DLGAP4: variants seen among roughly 807,000 people sequenced by gnomAD.
DLGAP4 encodes DLG associated protein 4, also known as disks large-associated protein 4.
A neutral mutation model predicts 86.9 loss-of-function variants in DLGAP4; 18 were observed. The ratio of observed to expected loss-of-function variants is 0.21; its 90% CI spans 0.14 to 0.31. The LOEUF is 0.31. DLGAP4 is among the 10% of genes least tolerant of loss of function. The pLI, the probability that DLGAP4 is intolerant of heterozygous loss-of-function variation, is 1.00. For missense variants in DLGAP4, 1,085 were observed against 1,362.6 expected, an observed-to-expected ratio of 0.80 and a Z score of 3.21; for synonymous variants, 548 against 574.3, an observed-to-expected ratio of 0.95 and a Z score of 0.65.
chr20:36,420,229 G>A (rs906466), intron 2 of DLGAP4, among the ~76,000 whole-genome samples: 33,659 of 152,166 alleles, frequency 0.22, 4,030 homozygotes, highest in East Asian at 0.41. Flanking sequence ...GCTGGATGCT[G>A]GAGACGCAGT....
chr20:36,514,047 A>C (rs2036889876), intron 10 of DLGAP4, among the ~76,000 whole-genome samples: 1 of 152,194 alleles, frequency 6.6e-6, no homozygotes, highest in African/African-American at 2.4e-5. Context: ...AGTAGAGAAG[A>C]CAAGCTGTCT....
intron 2 of DLGAP4, among the ~76,000 whole-genome samples, chr20:36,411,464 G>A (rs2032496806): frequency 6.6e-6 from 1 of 152,136 alleles, no homozygotes. Context: ...AGTCCATGGG[G>A]TGCTGGGTGA....
chr20:36,517,626 G>GT (rs1156507834), intron 10 of DLGAP4, among the ~76,000 whole-genome samples: 1 of 150,946 alleles, frequency 6.6e-6, no homozygotes, highest in Non-Finnish European at 1.5e-5. Context: ...TTTTTAATTT[G>GT]TTGGTGGTTG....
intron 1 of DLGAP4, among the ~76,000 whole-genome samples, chr20:36,323,175 CAAAAAAAAAAAAA>C (rs1164348704): frequency 2.5e-4 from 9 of 35,372 alleles, no homozygotes; most frequent in South Asian, 1.3e-3. Context: ...GACCCTATCT[CAAAAAAAAAAAAA>C]AAAAAAAAAA....
At chr20:36,448,042 C>CAAA (rs59129162) in intron 7 of DLGAP4, among the ~76,000 whole-genome samples, 10 of 139,148 alleles carry the variant, frequency 7.2e-5, no homozygotes, top group African/African-American at 1.8e-4. Context: ...TTAAGATGGT[C>CAAA]AAAAAAAAAA....
At chr20:36,377,757 C>T (rs1438692768) in intron 2 of DLGAP4, among the ~76,000 whole-genome samples, 3 of 152,168 alleles carry the variant, frequency 2.0e-5, no homozygotes, top group Non-Finnish European at 4.4e-5. Flanking sequence ...GTTGGGGCGG[C>T]GGATGCCATC....
intron 2 of DLGAP4, among the ~76,000 whole-genome samples, chr20:36,388,456 C>T (rs2031676493): frequency 6.6e-6 from 1 of 152,154 alleles, no homozygotes. Context: ...GCCCACCCTT[C>T]ATTGACCTCA....
intron 7 of DLGAP4, among the ~76,000 whole-genome samples, chr20:36,490,923 G>A (rs1175831091): frequency 2.0e-5 from 3 of 151,992 alleles, no homozygotes; most frequent in Admixed American, 6.6e-5. Context: ...GGCCGGGCAC[G>A]GTGGCTCACG....
intron 2 of DLGAP4, among the ~76,000 whole-genome samples, chr20:36,396,391 GCCACATACACACACCACATA>G (rs2031968357): frequency 2.4e-4 from 1 of 4,094 alleles, no homozygotes. Flanking sequence ...ATACACACAT[GCCACATACACACACCACATA>G]CACACACACA....
At chr20:36,514,274 G>A (rs570966891) in intron 10 of DLGAP4, among the ~76,000 whole-genome samples, 1 of 152,294 alleles carries the variant, frequency 6.6e-6, no homozygotes, top group Admixed American at 6.5e-5. Flanking sequence ...GCAGAAGCAT[G>A]GGTAAGGTAG....
chr20:36,400,241 C>T (rs1189054395), intron 2 of DLGAP4, among the ~76,000 whole-genome samples: 2 of 152,174 alleles, frequency 1.3e-5, no homozygotes, highest in South Asian at 4.1e-4. Flanking sequence ...AAGAGTTGGT[C>T]ACCATTTTGG....
At chr20:36,472,298 T>TA (rs2034702044) in intron 7 of DLGAP4, among the ~76,000 whole-genome samples, 2 of 152,012 alleles carry the variant, frequency 1.3e-5, no homozygotes, top group African/African-American at 4.8e-5. Flanking sequence ...GCTCAGGAGT[T>TA]AAAGACCAGT....
chr20:36,485,375 A>G (rs1258626482), intron 7 of DLGAP4, among the ~76,000 whole-genome samples: 1 of 150,936 alleles, frequency 6.6e-6, no homozygotes, highest in African/African-American at 2.4e-5. Flanking sequence ...AAAAACTGCT[A>G]GCTAATTTGA....
intron 7 of DLGAP4, among the ~76,000 whole-genome samples, chr20:36,449,593 A>C (rs2033683144): frequency 6.6e-6 from 1 of 152,158 alleles, no homozygotes; most frequent in Non-Finnish European, 1.5e-5. Context: ...CTACAGTTCC[A>C]AAGGGGCCGT....
chr20:36,411,313 G>A (rs1056861457), intron 2 of DLGAP4, among the ~76,000 whole-genome samples: 19 of 152,078 alleles, frequency 1.2e-4, no homozygotes, highest in Non-Finnish European at 2.5e-4. Context: ...TTGTCTGAGG[G>A]TCTGCTTCTC....
chr20:36,480,154 C>G (rs2147702817), intron 7 of DLGAP4, among the ~76,000 whole-genome samples: 1 of 152,274 alleles, frequency 6.6e-6, no homozygotes, highest in South Asian at 2.1e-4. Flanking sequence ...GATTCCTAAC[C>G]TACTGGCAGT....
At chr20:36,458,414 G>A (rs181527488) in intron 7 of DLGAP4, among the ~76,000 whole-genome samples, 2 of 143,352 alleles carry the variant, frequency 1.4e-5, no homozygotes, top group Non-Finnish European at 3.0e-5. Context: ...GTGCCATGGC[G>A]AGGGGTTTCA....
chr20:36,506,993 C>T (rs187995429), intron 10 of DLGAP4, among the ~76,000 whole-genome samples: 159 of 152,328 alleles, frequency 1.0e-3, no homozygotes, highest in Middle Eastern at 6.8e-3. Context: ...TGTCACAATT[C>T]CCTCCCTTGT....
At chr20:36,387,163 ATTTC>A (rs1356596071) in intron 2 of DLGAP4, among the ~76,000 whole-genome samples, 1 of 152,208 alleles carries the variant, frequency 6.6e-6, no homozygotes, top group Non-Finnish European at 1.5e-5. Flanking sequence ...CTGAGTTCTC[ATTTC>A]CTCAGCACCT....
Sources: allele counts gnomAD v4.1 joint callset (sites outside exome capture counted in the v4.1 genomes callset), GRCh38; gene constraint gnomAD v4.1.1; transcripts MANE v1.5; gene names NCBI Gene and HGNC (gene_info 2026-07-23, HGNC 2026-07-21).